The following CFAP61 variants were observed in gnomAD, a reference collection of about 807,000 sequenced individuals.
CFAP61 encodes cilia- and flagella-associated protein 61.
In CFAP61, 107 loss-of-function variants were observed where a neutral mutation model predicts 135.6. The ratio of observed to expected loss-of-function variants is 0.79; its 90% CI spans 0.67 to 0.93. CFAP61 has a LOEUF of 0.93. CFAP61 is among the 40% of genes least tolerant of loss of function. CFAP61 has a pLI of 0.00. For missense variants in CFAP61, 1,507 were observed against 1,556.2 expected (o/e 0.97, Z 0.53); for synonymous variants, 575 against 578.5 (o/e 0.99, Z 0.09).
At chr20:20,151,829 C>CAAAAAAAAAAAA (rs386393498) in intron 9 of CFAP61, among the ~76,000 whole-genome samples, 3 of 53,352 alleles carry the variant, frequency 5.6e-5, no homozygotes, top group Admixed American at 5.1e-4. Context: ...GACTCCGTCT[C>CAAAAAAAAAAAA]AAAAAAAAAA....
intron 9 of CFAP61, among the ~76,000 whole-genome samples, chr20:20,144,157 AC>A (rs2051659917): frequency 3.9e-5 from 6 of 152,242 alleles, no homozygotes; most frequent in Non-Finnish European, 7.3e-5. Context: ...ATACAGAATT[AC>A]TTGGCACCCA....
intron 24 of CFAP61, among the ~76,000 whole-genome samples, chr20:20,295,465 C>T (rs753396289): frequency 1.3e-5 from 2 of 152,106 alleles, no homozygotes; most frequent in African/African-American, 2.4e-5. Context: ...GGTGCAGGAG[C>T]CACCCCTCCT....
intron 25 of CFAP61, among the ~76,000 whole-genome samples, chr20:20,327,129 CTT>C (rs1429170781): frequency 1.3e-5 from 2 of 152,040 alleles, no homozygotes; most frequent in Non-Finnish European, 2.9e-5. Flanking sequence ...GTTGAAGTCT[CTT>C]TTTTGTTTAA....
Position 20,286,755 on chromosome 20 carries a change from A to G in CFAP61, c.2797-1854A>G, listed in dbSNP as rs77063252. ...TTTTCACTCCAGTCTACAAACTCCTATGAAACCCCAAATGTAGCCAAAATT... is the reference window on the plus strand; with the variant it reads ...TTTTCACTCCAGTCTACAAACTCCTGTGAAACCCCAAATGTAGCCAAAATT... On this transcript the variant is annotated intron_variant, in intron 22 of 26. Transcript: ENST00000245957. 7.4e-3 allele frequency among the ~76,000 whole-genome samples: 1,134 copies of G among 152,350 alleles called. 17 individuals are homozygous for G. Among genetic ancestry groups the G allele is most frequent in the African/African-American group, 0.025 (1,038 of 41,584 alleles).
chr20:20,269,221 A>G (rs2053129596), intron 21 of CFAP61, among the ~76,000 whole-genome samples: 1 of 144,528 alleles, frequency 6.9e-6, no homozygotes, highest in Non-Finnish European at 1.5e-5. Context: ...ACACATATAT[A>G]CATATATGTA....
At position 20,230,784 on chromosome 20, in the gene CFAP61, G is replaced by A. The variant is rs887232160; in HGVS notation, c.2060+2408G>A. 2.6e-5 allele frequency among the ~76,000 whole-genome samples: 4 copies of A among 152,070 alleles called. No individual in the cohort carries two copies. The East Asian group carries it at 7.7e-4, about 29-fold the overall frequency. On this transcript the variant is annotated intron_variant, in intron 18 of 26. Transcript: ENST00000245957. Reference sequence around the variant, plus strand: ...TTGGCCGGGCTGGTCTCGAACTCCTGGCCTCAAGTGACCTGCCCGCCTTGG... The same window carrying A: ...TTGGCCGGGCTGGTCTCGAACTCCTAGCCTCAAGTGACCTGCCCGCCTTGG...
At chr20:20,068,331 G>C (rs977705288) in intron 2 of CFAP61, among the ~76,000 whole-genome samples, 1 of 152,198 alleles carries the variant, frequency 6.6e-6, no homozygotes, top group Non-Finnish European at 1.5e-5. Context: ...TGGGAGTCTG[G>C]GGCAGAGGAG....
At chr20:20,224,413 T>A (rs2048591918) in intron 17 of CFAP61, among the ~76,000 whole-genome samples, 1 of 152,180 alleles carries the variant, frequency 6.6e-6, no homozygotes, top group Admixed American at 6.5e-5. Flanking sequence ...AATACTATCA[T>A]TCCTTCCTTT....
intron 22 of CFAP61, among the ~76,000 whole-genome samples, chr20:20,281,235 T>C (rs1213827950): frequency 6.6e-6 from 1 of 152,190 alleles, no homozygotes; most frequent in East Asian, 1.9e-4. Flanking sequence ...AGGTCTTTTA[T>C]TTCAGTTACT....
chr20:20,122,127 A>G (rs2049696403), intron 8 of CFAP61, among the ~76,000 whole-genome samples: 1 of 148,070 alleles, frequency 6.8e-6, no homozygotes, highest in Non-Finnish European at 1.5e-5. Flanking sequence ...CAAGTCCCCA[A>G]AGTCCATTGT....
At chr20:20,069,984 C>T in intron 2 of CFAP61, 1 of 273,038 alleles carries the variant, frequency 3.7e-6, no homozygotes, top group Non-Finnish European at 7.4e-6. Flanking sequence ...TTTCATTTCA[C>T]TAAGAAAGTA....
At chr20:20,237,143 G>GT in intron 18 of CFAP61, among the ~76,000 whole-genome samples, 1 of 152,132 alleles carries the variant, frequency 6.6e-6, no homozygotes, top group East Asian at 1.9e-4. Flanking sequence ...TGATACATAA[G>GT]TTTTTTATCT....
chr20:20,226,087 C>T (rs6136964), intron 17 of CFAP61: 2 of 152,192 alleles, frequency 1.3e-5, no homozygotes, highest in African/African-American at 4.8e-5. Context: ...ACAAACTGGC[C>T]TAAACAATCA....
intron 25 of CFAP61, among the ~76,000 whole-genome samples, chr20:20,322,334 C>T (rs2057558454): frequency 6.6e-6 from 1 of 151,418 alleles, no homozygotes; most frequent in Non-Finnish European, 1.5e-5. Context: ...ATGACGTTCC[C>T]TGTTTCCTGA....
intron 16 of CFAP61, 89 bp downstream of exon 16, chr20:20,196,865 T>C (rs1333629100): frequency 1.8e-6 from 2 of 1,085,264 alleles, no homozygotes; most frequent in African/African-American, 3.1e-5. Context: ...ATTCCTCTCA[T>C]GATGGGTTTT....
At chr20:20,079,029 A>G (rs921964627) in intron 6 of CFAP61, among the ~76,000 whole-genome samples, 2 of 152,230 alleles carry the variant, frequency 1.3e-5, no homozygotes, top group African/African-American at 2.4e-5. Flanking sequence ...AACACAAATT[A>G]CCAAAACTCA....
At chr20:20,187,569 A>G (rs2055600604) in intron 13 of CFAP61, among the ~76,000 whole-genome samples, 2 of 152,212 alleles carry the variant, frequency 1.3e-5, no homozygotes, top group Non-Finnish European at 2.9e-5. Flanking sequence ...ACACTCATGA[A>G]GCCAGCCCTG....
At chr20:20,085,452 T>C (rs1181200100) in intron 6 of CFAP61, 1 of 1,365,706 alleles carries the variant, frequency 7.3e-7, no homozygotes, top group African/African-American at 1.5e-5. Flanking sequence ...CTTTATCCAT[T>C]TTGGGAAAGG....
At chr20:20,340,942 C>G (rs947830459) in intron 25 of CFAP61, among the ~76,000 whole-genome samples, 1 of 152,118 alleles carries the variant, frequency 6.6e-6, no homozygotes, top group Non-Finnish European at 1.5e-5. Flanking sequence ...CTCTAGTGCC[C>G]CCGTGGCCCC....
Sources: allele counts gnomAD v4.1 joint callset (sites outside exome capture counted in the v4.1 genomes callset), GRCh38; gene constraint gnomAD v4.1.1; transcripts MANE v1.5; gene names NCBI Gene and HGNC (gene_info 2026-07-23, HGNC 2026-07-21).